Variants in KDM5B observed in about 807,000 individuals in gnomAD.
KDM5B encodes lysine-specific demethylase 5B.
A neutral mutation model predicts 193.4 loss-of-function variants in KDM5B; 144 were observed. The observed-to-expected ratio is 0.74, with a 90% CI of 0.65 to 0.86. The LOEUF (loss-of-function observed/expected upper bound fraction) is 0.86, where lower values mean the gene tolerates loss of function less well. KDM5B is among the 40% of genes least tolerant of loss of function. KDM5B has a pLI of 0.00. For missense variants in KDM5B, 1,833 were observed against 1,886.9 expected (o/e 0.97, Z 0.53); for synonymous variants, 668 against 682.6 (o/e 0.98, Z 0.33).
chr1:202,774,567 T>C (rs774490737), intron 3 of KDM5B, 46 bp downstream of exon 3: 1 of 1,549,788 alleles, frequency 6.5e-7, no homozygotes, highest in Non-Finnish European at 8.8e-7. Flanking sequence ...AAATTCATTC[T>C]GTCAGTAAGA....
chr1:202,731,786 C>G, intron 24 of KDM5B, 42 bp downstream of exon 24: 22 of 1,311,974 alleles, frequency 1.7e-5, no homozygotes, highest in Non-Finnish European at 2.4e-5. Flanking sequence ...TACAAGATCA[C>G]TCATTACTAT....
At chr1:202,791,149 T>C (rs1225869116) in intron 1 of KDM5B, among the ~76,000 whole-genome samples, 1 of 152,214 alleles carries the variant, frequency 6.6e-6, no homozygotes, top group Non-Finnish European at 1.5e-5. Context: ...GTAGCGCTGG[T>C]ATTATCAAAT....
intron 3 of KDM5B, among the ~76,000 whole-genome samples, chr1:202,774,329 C>T (rs1656846954): frequency 6.6e-6 from 1 of 152,182 alleles, no homozygotes; most frequent in Non-Finnish European, 1.5e-5. Context: ...ACTGCAGCCT[C>T]CACCTCCTGG....
Position 202,752,934 on chromosome 1 carries a change from G to T in KDM5B, c.1672C>A (p.Pro558Thr). The T allele has an allele frequency of 6.2e-7, 1 of 1,614,124 alleles. No individual in the cohort carries two copies. Among genetic ancestry groups the T allele is most frequent in the Non-Finnish European group, 8.5e-7 (1 of 1,180,008 alleles). Residue 558 changes from proline (P) to threonine (T), a missense_variant, in exon 12 of 27, where the codon CCC becomes ACC. Around this residue, in one of 3 missense-constraint regions of KDM5B, gnomAD observed 1,379 missense variants for 1,349.6 expected, o/e 1.02. Transcript: ENST00000367265. ...ACTTCATGAGTCATCAGGGTATTGG[G>T]GTTCATGATGGTCACAAGCTGATGG... ...LLHQLVTIMN[P>T]NTLMTHEVPV...
At position 202,745,929 on chromosome 1, in the gene KDM5B, C is replaced by T. The variant is rs1287699615; in HGVS notation, c.2252G>A (p.Arg751Gln). 2 of 1,613,842 alleles carry T rather than the reference C, an allele frequency of 1.2e-6. No individual in the cohort carries two copies. The highest frequency in any genetic ancestry group is 1.7e-6 in the Non-Finnish European group (2 of 1,179,782). The change falls in exon 16 of 27, where the codon CGA (arginine) becomes CAA (glutamine). Residue 751 changes from arginine to glutamine, a missense_variant. Physicochemically the swap from Arg to Gln is conservative, Grantham distance 43. Coordinates refer to ENST00000367265, the MANE Select transcript of KDM5B (RefSeq NM_006618.5). ...GGCCCATTCGTTGTAAGATTCTGCT[C>T]GAAGCTTCAATGCATTCATCATAGG... Reference protein sequence around the residue: ...LYPMMNALKLRAESYNEWALN... With the variant: ...LYPMMNALKLQAESYNEWALN...
chr1:202,751,533 C>T (rs1044767582), intron 12 of KDM5B, among the ~76,000 whole-genome samples: 9 of 152,098 alleles, frequency 5.9e-5, no homozygotes, highest in Admixed American at 4.6e-4. Context: ...ACCATATCTT[C>T]TACTTGGAAT....
At position 202,744,338 on chromosome 1, in the gene KDM5B, T is replaced by TCA. The variant is rs775412291; in HGVS notation, c.2323+1518_2323+1519dup. On this transcript the variant is annotated intron_variant, in intron 16 of 26. Transcript: ENST00000367265. ...ACTTTGGGAGGCCGAGGCAGGCAGA[T>TCA]CACAAGGTCAGGAGTTCAAGGCCAG... 2.8e-4 allele frequency among the ~76,000 whole-genome samples: 42 copies of TCA among 152,296 alleles called. No homozygotes were observed. The East Asian group carries it at 7.5e-3, about 27-fold the overall frequency.
At chr1:202,733,228 A>G (rs541449477) in intron 23 of KDM5B, among the ~76,000 whole-genome samples, 173 bp downstream of exon 23, 66 of 152,298 alleles carry the variant, frequency 4.3e-4, no homozygotes, top group African/African-American at 1.5e-3. Context: ...GAGGAAATTA[A>G]AAGAATATGT....
chr1:202,735,645 AG>A (rs762410204), intron 21 of KDM5B, 58 bp from the exon 22 acceptor site: 49 of 1,494,802 alleles, frequency 3.3e-5, no homozygotes, highest in Admixed American at 9.0e-5. Flanking sequence ...AGCATTATGT[AG>A]GAAGTCCCAA....
intron 16 of KDM5B, among the ~76,000 whole-genome samples, chr1:202,745,426 C>A (rs1246781415): frequency 6.6e-6 from 1 of 152,042 alleles, no homozygotes; most frequent in Admixed American, 6.6e-5. Flanking sequence ...GTGCCAGGGA[C>A]CTTAACTTTA....
At chr1:202,743,826 AT>A (rs1334750584) in intron 16 of KDM5B, among the ~76,000 whole-genome samples, 2 of 152,348 alleles carry the variant, frequency 1.3e-5, no homozygotes, top group African/African-American at 4.8e-5. Context: ...TCCTTACACC[AT>A]ATACAAAAAT....
chr1:202,782,523 TA>T (rs1657241182), intron 1 of KDM5B, among the ~76,000 whole-genome samples: 2 of 151,752 alleles, frequency 1.3e-5, no homozygotes, highest in Admixed American at 6.6e-5. Flanking sequence ...AAATGGGGGG[TA>T]GGGGAAGCCA....
rs755347940 is a variant in KDM5B, at chr1:202,741,710, G to C, written c.2602C>G (p.Arg868Gly). Residue 868 changes from arginine to glycine, a missense_variant, in exon 19 of 27, where the codon CGT becomes GGT. By Grantham distance (125) the Arg-to-Gly change is moderately radical. Around this residue, in one of 3 missense-constraint regions of KDM5B, gnomAD observed 1,379 missense variants for 1,349.6 expected, o/e 1.02. Transcript: ENST00000367265. ...QTPLLKDLLNRVEDFQQHSQK... is the reference protein window; with the variant it reads ...QTPLLKDLLNGVEDFQQHSQK... Reference sequence around the variant, plus strand: ...CTATGCTGTTGAAAATCTTCTACACGATTCAAGAGATCCTAAAAAAAAATA... The same window carrying C: ...CTATGCTGTTGAAAATCTTCTACACCATTCAAGAGATCCTAAAAAAAAATA... 2 of 1,589,550 alleles carry C rather than the reference G, an allele frequency of 1.3e-6. No homozygotes were observed. The highest frequency in any genetic ancestry group is 8.6e-7 in the Non-Finnish European group (1 of 1,164,388).
chr1:202,785,930 C>T (rs971479501), intron 1 of KDM5B, among the ~76,000 whole-genome samples: 10 of 150,466 alleles, frequency 6.6e-5, no homozygotes, highest in African/African-American at 2.2e-4. Flanking sequence ...AAAAAAAGTG[C>T]CGGTTTTTCT....
rs1654726796 is a variant in KDM5B at position 202,727,791 on chromosome 1, G to A, written c.*1245C>T. 6.6e-6 allele frequency: 1 copy of A among 152,664 alleles called. No individual in the cohort carries two copies. Among genetic ancestry groups the A allele is most frequent in the Non-Finnish European group, 1.5e-5 (1 of 68,052 alleles). 9.5% of individuals were successfully genotyped at this position (152,664 alleles called of 1,614,324 possible). ...ACATATACTAAACCCGGACCTCTGT[G>A]AGGATTAATTTTCCTTAGATTTCCT... On this transcript the variant is annotated 3_prime_UTR_variant, in exon 27 of 27. Coordinates refer to ENST00000367265, the MANE Select transcript of KDM5B (RefSeq NM_006618.5).
chr1:202,803,752 G>A (rs1053867273), intron 1 of KDM5B, among the ~76,000 whole-genome samples: 2 of 151,838 alleles, frequency 1.3e-5, no homozygotes, highest in African/African-American at 4.8e-5. Context: ...CCGGGAGGCG[G>A]ATGTTGCAGT....
At chr1:202,794,632 T>C (rs565406322) in intron 1 of KDM5B, among the ~76,000 whole-genome samples, 9 of 152,132 alleles carry the variant, frequency 5.9e-5, no homozygotes, top group Middle Eastern at 3.2e-3. Context: ...ACATATACCA[T>C]TGGGGAGTGT....
intron 1 of KDM5B, among the ~76,000 whole-genome samples, chr1:202,780,788 TAA>T (rs11412721): frequency 1.0e-4 from 13 of 129,248 alleles, no homozygotes; most frequent in East Asian, 2.3e-4. Context: ...TTGCCATTAC[TAA>T]AAAAAAAAAA....
At position 202,726,390 on chromosome 1, in the gene KDM5B, T is replaced by G. The variant is rs555267920; in HGVS notation, c.*2646A>C. ...CAAATTACATAACCTTTCTCCAGGA[T>G]AGAGGCTACATATAATCAAGCCCTT... On this transcript the variant is annotated 3_prime_UTR_variant, in exon 27 of 27. Transcript: ENST00000367265. 3 of 152,320 alleles carry G rather than the reference T, an allele frequency of 2.0e-5. No homozygotes were observed. The highest frequency in any genetic ancestry group is 2.0e-4 in the Admixed American group (3 of 15,298). The allele number at this position is 152,320 out of a possible 1,614,324, so 9.4% of individuals were successfully genotyped here.
Sources: gnomAD v4.1 joint callset for allele counts (sites outside exome capture counted in the v4.1 genomes callset) on GRCh38, gnomAD v4.1.1 for gene constraint, gnomAD v4.1.1 regional missense constraint, MANE v1.5 for transcripts, NCBI Gene and HGNC (gene_info 2026-07-23, HGNC 2026-07-21) for gene names.